BBX: variants seen among roughly 807,000 people sequenced by gnomAD.
BBX encodes BBX high mobility group box domain containing.
Under a neutral mutation model 100.2 loss-of-function variants are expected in BBX, and 30 were observed. The observed-to-expected ratio is 0.30, with a 90% CI of 0.22 to 0.41. The LOEUF is 0.41. BBX is among the 10% of genes least tolerant of loss of function. The pLI is 1.00. For synonymous variants in BBX, 376 were observed against 388.1 expected (o/e 0.97, Z 0.37); for missense variants, 1,023 against 1,129.8 (o/e 0.91, Z 1.35).
intron 7 of BBX, among the ~76,000 whole-genome samples, chr3:107,743,457 A>G (rs1203644421): frequency 3.3e-5 from 5 of 152,236 alleles, no homozygotes; most frequent in Non-Finnish European, 2.9e-5. Flanking sequence ...CAGCCAAACC[A>G]CAGGTGGCAA....
intron 13 of BBX, among the ~76,000 whole-genome samples, chr3:107,782,231 A>AT (rs1212668503): frequency 6.6e-6 from 1 of 152,126 alleles, no homozygotes; most frequent in Non-Finnish European, 1.5e-5. Context: ...ATTGTGACTG[A>AT]TTGACTCAGA....
intron 10 of BBX, among the ~76,000 whole-genome samples, chr3:107,769,215 T>C (rs867767884): frequency 0.012 from 1,607 of 134,938 alleles, 18 homozygotes; most frequent in Non-Finnish European, 0.017. Flanking sequence ...GATAGATAGA[T>C]AGATAGATAG....
At chr3:107,668,434 A>G (rs2058857884) in intron 3 of BBX, among the ~76,000 whole-genome samples, 1 of 152,192 alleles carries the variant, frequency 6.6e-6, no homozygotes, top group South Asian at 2.1e-4. Flanking sequence ...CACAGCACGT[A>G]TAGATGTGTG....
At position 107,739,840 on chromosome 3, in the gene BBX, A is replaced by T. The variant is rs147912442; in HGVS notation, c.670-4790A>T. Reference sequence around the variant, plus strand: ...AGAGTGGCATTGTACCTACTTTATCAAATGAGGAAACTGAGGCAGAAAGGT... The same window carrying T: ...AGAGTGGCATTGTACCTACTTTATCTAATGAGGAAACTGAGGCAGAAAGGT... On this transcript the variant is annotated intron_variant, in intron 7 of 17. Transcript: ENST00000325805. Among the ~76,000 whole-genome samples the T allele has an allele frequency of 2.6e-3, 401 of 152,312 alleles. 3 individuals carry two copies. The highest frequency in any genetic ancestry group is 9.2e-3 in the African/African-American group (384 of 41,582).
At chr3:107,640,235 A>G (rs1042359991) in intron 2 of BBX, among the ~76,000 whole-genome samples, 1 of 152,176 alleles carries the variant, frequency 6.6e-6, no homozygotes. Flanking sequence ...TTACTCTGCT[A>G]TTTAGGAAAC....
At chr3:107,764,073 A>G (rs905639874) in intron 10 of BBX, among the ~76,000 whole-genome samples, 2 of 151,926 alleles carry the variant, frequency 1.3e-5, no homozygotes, top group Non-Finnish European at 2.9e-5. Context: ...GCTCGCTGCA[A>G]CCTCTGCCTC....
intron 2 of BBX, among the ~76,000 whole-genome samples, chr3:107,620,258 G>C (rs1391496311): frequency 6.6e-6 from 1 of 151,944 alleles, no homozygotes; most frequent in South Asian, 2.1e-4. Context: ...TATATCTTCT[G>C]TTTCTTTGGG....
Position 107,728,894 on chromosome 3 carries a change from A to G in BBX, c.535A>G (p.Arg179Gly), listed in dbSNP as rs773183935. ...KLWAFPSDSSRDLPSPKKAKT... is the reference protein window; with the variant it reads ...KLWAFPSDSSGDLPSPKKAKT... ...TTGGGCCTTCCCATCTGACTCTTCA[A>G]GAGACTTGCCAAGCCCCAAGAAAGC... Residue 179 changes from arginine (R) to glycine (G), a missense_variant, in exon 6 of 18, where the codon AGA becomes GGA. By Grantham distance (125) the Arg-to-Gly change is moderately radical. Transcript: ENST00000325805. The G allele has an allele frequency of 6.2e-7, 1 of 1,613,964 alleles. No homozygotes were observed. The highest frequency in any genetic ancestry group is 8.5e-7 in the Non-Finnish European group (1 of 1,179,890).
At chr3:107,533,615 A>G (rs2048306659) in intron 2 of BBX, among the ~76,000 whole-genome samples, 1 of 152,148 alleles carries the variant, frequency 6.6e-6, no homozygotes, top group Middle Eastern at 3.4e-3. Flanking sequence ...ATTTCACTGA[A>G]CCTCTTATAT....
At chr3:107,638,609 G>C (rs2056988759) in intron 2 of BBX, 1 of 151,958 alleles carries the variant, frequency 6.6e-6, no homozygotes, top group South Asian at 2.1e-4. Flanking sequence ...GGACAGTACA[G>C]TTTTTTGTTT....
chr3:107,632,384 C>G (rs895824652), intron 2 of BBX, among the ~76,000 whole-genome samples: 4 of 152,240 alleles, frequency 2.6e-5, no homozygotes, highest in African/African-American at 7.2e-5. Flanking sequence ...CACGCCTGGC[C>G]TTAGAAATGC....
At chr3:107,564,459 G>C (rs146591507) in intron 2 of BBX, among the ~76,000 whole-genome samples, 1 of 151,838 alleles carries the variant, frequency 6.6e-6, no homozygotes, top group East Asian at 1.9e-4. Flanking sequence ...AAACTCTTTC[G>C]TATACCAGTG....
chr3:107,591,640 A>G (rs1436024920), intron 2 of BBX, among the ~76,000 whole-genome samples: 3 of 152,164 alleles, frequency 2.0e-5, no homozygotes, highest in Non-Finnish European at 2.9e-5. Context: ...GGCATGCGCC[A>G]GTACGCCTGG....
intron 2 of BBX, among the ~76,000 whole-genome samples, chr3:107,593,218 T>C (rs1265241338): frequency 6.6e-6 from 1 of 152,188 alleles, no homozygotes; most frequent in African/African-American, 2.4e-5. Flanking sequence ...ACAAAGCCCT[T>C]TGAGGTAGTT....
intron 2 of BBX, among the ~76,000 whole-genome samples, chr3:107,628,350 G>A (rs565348702): frequency 6.6e-6 from 1 of 151,786 alleles, no homozygotes; most frequent in Admixed American, 6.6e-5. Context: ...TGCAAATAAA[G>A]TGTATTTATC....
intron 17 of BBX, among the ~76,000 whole-genome samples, chr3:107,802,892 C>T (rs1240585813): frequency 6.6e-6 from 1 of 152,204 alleles, no homozygotes; most frequent in Admixed American, 6.5e-5. Context: ...CCACCCTAGT[C>T]CCCGGTCCTC....
chr3:107,599,743 T>TA (rs1156971489), intron 2 of BBX, among the ~76,000 whole-genome samples: 1 of 152,138 alleles, frequency 6.6e-6, no homozygotes, highest in Non-Finnish European at 1.5e-5. Context: ...AGCTTAATGG[T>TA]AAAAAAGGTT....
intron 17 of BBX, among the ~76,000 whole-genome samples, chr3:107,801,907 C>G (rs1203794525): frequency 6.6e-6 from 1 of 152,122 alleles, no homozygotes; most frequent in African/African-American, 2.4e-5. Flanking sequence ...ATTTTTTTCT[C>G]TGGACTTTAG....
chr3:107,651,015 C>G (rs2057806979), intron 3 of BBX, among the ~76,000 whole-genome samples: 1 of 152,146 alleles, frequency 6.6e-6, no homozygotes, highest in African/African-American at 2.4e-5. Context: ...GTCTCTTCCT[C>G]TTCTCATAAG....
Sources: allele counts gnomAD v4.1 joint callset (sites outside exome capture counted in the v4.1 genomes callset), GRCh38; gene constraint gnomAD v4.1.1; transcripts MANE v1.5; gene names NCBI Gene and HGNC (gene_info 2026-07-23, HGNC 2026-07-21).